Variants in TRAPPC9 observed in about 807,000 individuals in gnomAD.
TRAPPC9 encodes trafficking protein particle complex subunit 9.
In TRAPPC9, 83 loss-of-function variants were observed where a neutral mutation model predicts 124.0. The observed-to-expected ratio is 0.67, with a 90% CI of 0.56 to 0.80. The LOEUF (loss-of-function observed/expected upper bound fraction) is 0.80. Ranked by LOEUF, TRAPPC9 falls within the 30% of genes least tolerant of loss-of-function variation. The probability of loss-of-function intolerance (pLI) is 0.00; values close to 1 mark genes in which losing one functional copy is unlikely to be tolerated. For synonymous variants in TRAPPC9, 638 were observed against 617.5 expected (o/e 1.03, Z -0.49); for missense variants, 1,302 against 1,508.3 (o/e 0.86, Z 2.27).
chr8:140,376,230 TGAA>T (rs1005278385), intron 7 of TRAPPC9, among the ~76,000 whole-genome samples: 2 of 152,024 alleles, frequency 1.3e-5, no homozygotes, highest in Non-Finnish European at 2.9e-5. Context: ...CAAAACTTCA[TGAA>T]GTAGTAGAGG....
intron 20 of TRAPPC9, chr8:139,904,315 C>T (rs1831204637): frequency 1.3e-5 from 2 of 152,256 alleles, no homozygotes; most frequent in African/African-American, 4.8e-5. Context: ...GTCACAGGAG[C>T]CCAAGGGAAG....
intron 21 of TRAPPC9, among the ~76,000 whole-genome samples, chr8:139,873,052 G>A (rs1279419947): frequency 6.6e-6 from 1 of 151,826 alleles, no homozygotes. Flanking sequence ...GGGTGGGCTG[G>A]TAGATGGGTT....
At chr8:139,886,654 TTCTC>T (rs747854072) in intron 20 of TRAPPC9, among the ~76,000 whole-genome samples, 2 of 152,232 alleles carry the variant, frequency 1.3e-5, no homozygotes, top group Non-Finnish European at 2.9e-5. Context: ...GTTTCTGACA[TTCTC>T]TAGTGACTGC....
intron 17 of TRAPPC9, among the ~76,000 whole-genome samples, chr8:140,078,738 G>A (rs1843649171): frequency 6.6e-6 from 1 of 152,096 alleles, no homozygotes; most frequent in South Asian, 2.1e-4. Flanking sequence ...AGGTACACAG[G>A]AGCCACAGTC....
chr8:140,302,392 G>A (rs1427146065), intron 10 of TRAPPC9, among the ~76,000 whole-genome samples: 1 of 152,230 alleles, frequency 6.6e-6, no homozygotes, highest in East Asian at 1.9e-4. Context: ...CCACTCAGCT[G>A]TGAGCCTGCT....
chr8:139,976,107 G>T (rs1337144576), intron 19 of TRAPPC9, among the ~76,000 whole-genome samples: 1 of 151,622 alleles, frequency 6.6e-6, no homozygotes, highest in African/African-American at 2.4e-5. Flanking sequence ...TAGCCAGGAT[G>T]GTCTCGATCT....
chr8:140,046,531 G>C (rs565209591), intron 17 of TRAPPC9, among the ~76,000 whole-genome samples: 1 of 152,336 alleles, frequency 6.6e-6, no homozygotes, highest in South Asian at 2.1e-4. Context: ...AGCCCCTGCT[G>C]TCCACAGCCT....
At chr8:140,349,487 G>A (rs1378285137) in intron 9 of TRAPPC9, among the ~76,000 whole-genome samples, 4 of 152,038 alleles carry the variant, frequency 2.6e-5, no homozygotes, top group Non-Finnish European at 5.9e-5. Context: ...CGCGAGGGAA[G>A]GCAGACGACC....
intron 9 of TRAPPC9, among the ~76,000 whole-genome samples, chr8:140,356,085 G>A (rs987056058): frequency 6.6e-6 from 1 of 152,126 alleles, no homozygotes; most frequent in Admixed American, 6.5e-5. Context: ...GGAGAAAAAC[G>A]CTGACACTGA....
chr8:140,272,362 G>GGTT (rs544070985), intron 15 of TRAPPC9, among the ~76,000 whole-genome samples: 7 of 144,286 alleles, frequency 4.9e-5, no homozygotes, highest in Admixed American at 2.0e-4. Flanking sequence ...AGAGAGTGGT[G>GGTT]GTAGTGAGGG....
intron 17 of TRAPPC9, among the ~76,000 whole-genome samples, chr8:140,086,683 C>A (rs139690097): frequency 0.029 from 4,354 of 152,156 alleles, 72 homozygotes; most frequent in South Asian, 0.04. Context: ...GCACTTTGGG[C>A]GGCCGAGGCT....
At chr8:139,936,029 G>A (rs1348081016) in intron 19 of TRAPPC9, among the ~76,000 whole-genome samples, 2 of 152,238 alleles carry the variant, frequency 1.3e-5, no homozygotes, top group Admixed American at 6.5e-5. Flanking sequence ...GGGGAACCTG[G>A]TGCGAGCACA....
At chr8:140,219,355 C>A (rs1347626158) in intron 17 of TRAPPC9, among the ~76,000 whole-genome samples, 1 of 152,194 alleles carries the variant, frequency 6.6e-6, no homozygotes, top group African/African-American at 2.4e-5. Flanking sequence ...CGTCGATAGC[C>A]GCTTGAACGT....
intron 17 of TRAPPC9, among the ~76,000 whole-genome samples, chr8:140,026,836 C>T (rs1211870692): frequency 6.6e-6 from 1 of 152,180 alleles, no homozygotes; most frequent in East Asian, 1.9e-4. Flanking sequence ...TAAAGCCATG[C>T]CTTCCTCTTA....
At chr8:139,868,887 T>C (rs1215187404) in intron 21 of TRAPPC9, among the ~76,000 whole-genome samples, 4 of 152,028 alleles carry the variant, frequency 2.6e-5, no homozygotes, top group Non-Finnish European at 5.9e-5. Flanking sequence ...AATATCAGAG[T>C]ATTATAACAA....
rs112848413 is a variant in TRAPPC9, at chr8:140,380,610, G to A, written c.1135-9430C>T. On this transcript the variant is annotated intron_variant, in intron 7 of 22. Transcript: ENST00000438773. ...GCGGGGGCTACAGTGAGCCAAGATC[G>A]TGCCACTGTACTCCAGCCTGGGTGA... Among the ~76,000 whole-genome samples, 14 of 141,248 alleles carry A rather than the reference G, an allele frequency of 9.9e-5. No homozygotes were observed. The South Asian group carries it at 1.1e-3, about 11-fold the overall frequency. The allele number at this position is 141,248 out of a possible 152,430, so 92.7% of individuals were successfully genotyped here. A position where few individuals can be genotyped will look rare whatever the true frequency, so the allele number is the denominator to read the frequency against.
intron 21 of TRAPPC9, among the ~76,000 whole-genome samples, chr8:139,751,934 T>C (rs1368962758): frequency 6.2e-5 from 9 of 146,206 alleles, no homozygotes; most frequent in Admixed American, 5.4e-4. Flanking sequence ...CTATCCACCA[T>C]CTACCCACCA....
intron 17 of TRAPPC9, among the ~76,000 whole-genome samples, chr8:140,126,978 C>A (rs1474882967): frequency 6.6e-6 from 1 of 152,206 alleles, no homozygotes; most frequent in East Asian, 1.9e-4. Context: ...ATAGACGAGG[C>A]AGAGAAGAGC....
intron 17 of TRAPPC9, among the ~76,000 whole-genome samples, chr8:140,220,359 T>C (rs1324619034): frequency 2.6e-5 from 4 of 152,182 alleles, no homozygotes; most frequent in African/African-American, 9.7e-5. Context: ...GGGCCTTTGC[T>C]GCCTCTGCTG....
Sources: gnomAD v4.1 joint callset for allele counts (sites outside exome capture counted in the v4.1 genomes callset) on GRCh38, gnomAD v4.1.1 for gene constraint, MANE v1.5 for transcripts, NCBI Gene and HGNC (gene_info 2026-07-23, HGNC 2026-07-21) for gene names.